MAB21L3: variants seen among roughly 807,000 people sequenced by gnomAD.
MAB21L3 encodes protein mab-21-like 3.
In MAB21L3, 36 loss-of-function variants were observed where a neutral mutation model predicts 37.7. The ratio of observed to expected loss-of-function variants is 0.96; its 90% CI spans 0.73 to 1.26. The LOEUF is 1.26. Among genes scored for constraint, MAB21L3 ranks in the 50% most tolerant of loss-of-function variants. MAB21L3 has a pLI of 0.00. For synonymous variants in MAB21L3, 186 were observed against 176.8 expected (o/e 1.05, Z -0.41); for missense variants, 430 against 447.3 (o/e 0.96, Z 0.35).
At chr1:116,114,826 G>A (rs1318634085) in intron 3 of MAB21L3, among the ~76,000 whole-genome samples, 2 of 152,180 alleles carry the variant, frequency 1.3e-5, no homozygotes, top group African/African-American at 2.4e-5. Flanking sequence ...GGAGGAGCAC[G>A]GTGCATTAGT....
At chr1:116,118,138 C>CT (rs2101609830) in intron 3 of MAB21L3, among the ~76,000 whole-genome samples, 1 of 152,294 alleles carries the variant, frequency 6.6e-6, no homozygotes, top group South Asian at 2.1e-4. Flanking sequence ...AATCCCAGCA[C>CT]TTTGGGAGGC....
At position 116,112,607 on chromosome 1, in the gene MAB21L3, C is replaced by T. The variant is rs755784178; in HGVS notation, c.-9C>T. On this transcript the variant is annotated 5_prime_UTR_variant, in exon 3 of 8. Transcript: ENST00000369500. ...AGTTGCTGTTCTACTGAGGACTGAC[C>T]AAGAAGCCATGAAATACCTTACTGT... 6.8e-6 allele frequency: 11 copies of T among 1,613,234 alleles called. No individual in the cohort carries two copies. The highest frequency in any genetic ancestry group is 9.3e-6 in the Non-Finnish European group (11 of 1,179,800).
chr1:116,118,333 G>C (rs1659650059), intron 3 of MAB21L3, among the ~76,000 whole-genome samples: 1 of 151,726 alleles, frequency 6.6e-6, no homozygotes, highest in Non-Finnish European at 1.5e-5. Flanking sequence ...AGTGAGCCAA[G>C]GTCACACCAC....
In MAB21L3 at chr1:116,127,563, C is replaced by A; in HGVS notation, c.579C>A (p.Ile193=). ...VELELVPAVE[I]PTTWSKKARW... The stretch of plus-strand genomic sequence containing the variant: ...TGGAGCTGGTCCCCGCAGTGGAGAT[C>A]CCCACCACCTGGTCCAAGAAAGCCC... The change falls in exon 6 of 8, where the codon ATC becomes ATA. Residue 193 remains isoleucine (I), a synonymous_variant. Coordinates refer to ENST00000369500, the MANE Select transcript of MAB21L3 (RefSeq NM_152367.3). 1 of 1,614,198 alleles carries A rather than the reference C, an allele frequency of 6.2e-7. No homozygotes were observed. The highest frequency in any genetic ancestry group is 1.3e-5 in the African/African-American group (1 of 75,042).
intron 3 of MAB21L3, among the ~76,000 whole-genome samples, chr1:116,118,141 T>C (rs1034356474): frequency 1.3e-5 from 2 of 152,136 alleles, no homozygotes; most frequent in Non-Finnish European, 2.9e-5. Flanking sequence ...CCCAGCACTT[T>C]GGGAGGCCAA....
At chr1:116,129,594 G>T (rs951417926) in intron 7 of MAB21L3, among the ~76,000 whole-genome samples, 21 of 152,214 alleles carry the variant, frequency 1.4e-4, no homozygotes, top group African/African-American at 4.1e-4. Context: ...CTGCTCTAAA[G>T]TAACTTATTG....
intron 7 of MAB21L3, among the ~76,000 whole-genome samples, chr1:116,130,109 C>A (rs754547816): frequency 6.6e-6 from 1 of 152,216 alleles, no homozygotes; most frequent in Non-Finnish European, 1.5e-5. Context: ...AACCTCATAA[C>A]CTTAACGATT....
In MAB21L3 at chr1:116,127,562, T is replaced by A. The variant is rs1362887389; in HGVS notation, c.578T>A (p.Ile193Asn). 6.2e-7 allele frequency: 1 copy of A among 1,614,100 alleles called. No homozygotes were observed. Among genetic ancestry groups the A allele is most frequent in the Non-Finnish European group, 8.5e-7 (1 of 1,180,012 alleles). ...CTGGAGCTGGTCCCCGCAGTGGAGA[T>A]CCCCACCACCTGGTCCAAGAAAGCC... ...VELELVPAVE[I>N]PTTWSKKARW... The change falls in exon 6 of 8, where the codon ATC (isoleucine) becomes AAC (asparagine). Residue 193 changes from isoleucine (I) to asparagine (N), a missense_variant. Coordinates refer to ENST00000369500, the MANE Select transcript of MAB21L3 (RefSeq NM_152367.3).
rs377140480 is a variant in MAB21L3 at position 116,128,192 on chromosome 1, G to A, written c.708G>A (p.Leu236=). 33 of 1,613,898 alleles carry A rather than the reference G, an allele frequency of 2.0e-5. No individual in the cohort carries two copies. In the South Asian group the frequency reaches 2.2e-4, roughly 11 times the overall value. ...LLACSNYHWQ[L]SFLRAEQVLL... ...CCTGTTCAAATTATCACTGGCAGCT[G>A]AGCTTCCTCCGTGCTGAGCAGGTGT... The change falls in exon 7 of 8, where the codon CTG becomes CTA. Residue 236 remains leucine (L), a synonymous_variant. Coordinates refer to ENST00000369500, the MANE Select transcript of MAB21L3 (RefSeq NM_152367.3).
chr1:116,117,429 A>G (rs1659624816), intron 3 of MAB21L3, among the ~76,000 whole-genome samples: 1 of 151,954 alleles, frequency 6.6e-6, no homozygotes, highest in Non-Finnish European at 1.5e-5. Flanking sequence ...TCCCTATTCT[A>G]CCACTAGCTT....
In MAB21L3 at chr1:116,127,633, GAGTGCATCAAGGTATC is replaced by G; in HGVS notation, c.654_660+9del. The G allele has an allele frequency of 6.2e-7, 1 of 1,613,112 alleles. No homozygotes were observed. Among genetic ancestry groups the G allele is most frequent in the Non-Finnish European group, 8.5e-7 (1 of 1,179,708 alleles). ...GCGCTGGCCTTCCCAAGAGAGAGTG[GAGTGCATCAAGGTATC>G]AGTGGGCGGGACCCAGCTTGCCAGA... On this transcript the variant is annotated splice_donor_variant and splice_donor_5th_base_variant and coding_sequence_variant and intron_variant, in exon 6 of 8. Coordinates refer to ENST00000369500, the MANE Select transcript of MAB21L3 (RefSeq NM_152367.3). LOFTEE classifies it high-confidence loss of function.
intron 5 of MAB21L3, among the ~76,000 whole-genome samples, chr1:116,125,624 A>T (rs943925829): frequency 1.4e-5 from 2 of 146,538 alleles, no homozygotes; most frequent in East Asian, 3.8e-4. Flanking sequence ...ATTCATACAT[A>T]CATTTGTTTG....
chr1:116,132,948 G>A (rs942485453), intron 7 of MAB21L3, among the ~76,000 whole-genome samples, 184 bp from the exon 8 acceptor site: 2 of 152,142 alleles, frequency 1.3e-5, no homozygotes, highest in Non-Finnish European at 2.9e-5. Flanking sequence ...GAAGAGGTGC[G>A]GGAGACCAGC....
At chr1:116,122,112 T>G (rs1183434065) in intron 4 of MAB21L3, among the ~76,000 whole-genome samples, 1 of 152,228 alleles carries the variant, frequency 6.6e-6, no homozygotes, top group Non-Finnish European at 1.5e-5. Context: ...AATAAATGAA[T>G]GAGTAAAAGA....
chr1:116,133,041 C>T, intron 7 of MAB21L3, 91 bp from the exon 8 acceptor site: 1 of 1,087,056 alleles, frequency 9.2e-7, no homozygotes, highest in Non-Finnish European at 1.4e-6. Context: ...TTTCTCCCTC[C>T]TTCCAAGGCC....
intron 3 of MAB21L3, among the ~76,000 whole-genome samples, chr1:116,115,302 A>T (rs1659557126): frequency 1.3e-5 from 2 of 152,168 alleles, no homozygotes; most frequent in African/African-American, 4.8e-5. Flanking sequence ...TGACCCAAGC[A>T]TTTGATTCAT....
At chr1:116,123,130 C>T (rs547945379) in intron 4 of MAB21L3, among the ~76,000 whole-genome samples, 1 of 152,292 alleles carries the variant, frequency 6.6e-6, no homozygotes, top group South Asian at 2.1e-4. Flanking sequence ...CAGCCGAAGG[C>T]GTGCATGCAG....
chr1:116,133,075 A>T lies in MAB21L3; in HGVS notation c.856-57A>T. The T allele has an allele frequency of 2.8e-6, 4 of 1,419,100 alleles. No individual in the cohort carries two copies. The Admixed American group carries it at 7.3e-5, about 26-fold the overall frequency. 87.9% of individuals were successfully genotyped at this position (1,419,100 alleles called of 1,614,324 possible). On this transcript the variant is annotated intron_variant, in intron 7 of 7. Coordinates refer to ENST00000369500, the MANE Select transcript of MAB21L3 (RefSeq NM_152367.3). ...CCACATAAGCTCAATAATTGTTTCC[A>T]AGCTATCCTCCTCAATTGCCCGAAA...
At chr1:116,117,679 A>G (rs1659630520) in intron 3 of MAB21L3, among the ~76,000 whole-genome samples, 1 of 152,088 alleles carries the variant, frequency 6.6e-6, no homozygotes, top group Non-Finnish European at 1.5e-5. Context: ...TCATGCACCT[A>G]AACAGTCTCT....
Sources: allele counts gnomAD v4.1 joint callset (sites outside exome capture counted in the v4.1 genomes callset), GRCh38; gene constraint gnomAD v4.1.1; transcripts MANE v1.5; gene names NCBI Gene and HGNC (gene_info 2026-07-23, HGNC 2026-07-21).